Variants in PCCB observed in about 807,000 individuals in gnomAD.
PCCB encodes the protein propionyl-CoA carboxylase beta chain, mitochondrial.
PCCB carries 43 observed loss-of-function variants against 60.7 expected under a neutral mutation model. That is an observed-to-expected ratio of 0.71 (90% confidence interval 0.55 to 0.91). The LOEUF (loss-of-function observed/expected upper bound fraction) is 0.91. Ranked by LOEUF, PCCB falls within the 40% of genes least tolerant of loss-of-function variation. The pLI is 0.00. For synonymous variants in PCCB, 276 were observed against 255.9 expected, an observed-to-expected ratio of 1.08 and a Z score of -0.75; for missense variants, 766 against 702.8, an observed-to-expected ratio of 1.09 and a Z score of -1.02.
In PCCB at chr3:136,326,245, G is replaced by A. The variant is rs1257006692; in HGVS notation, c.1091-558G>A. On this transcript the variant is annotated intron_variant, in intron 10 of 14. Coordinates refer to ENST00000251654, the MANE Select transcript of PCCB (RefSeq NM_000532.5). ...TTGCTTTGGTATTGGGGTAATACTG[G>A]TCTCATAGAATTAAGTTGGAAACTC... The A allele has an allele frequency of 7.3e-6, 5 of 682,464 alleles. No homozygotes were observed. In the East Asian group the frequency reaches 1.1e-4, roughly 15 times the overall value. The allele number at this position is 682,464 out of a possible 1,614,324, so 42.3% of individuals were successfully genotyped here. A position where few individuals can be genotyped will look rare whatever the true frequency, so the allele number is the denominator to read the frequency against.
rs1231151514 is a variant in PCCB at position 136,328,851 on chromosome 3, G to A, written c.1492G>A (p.Val498Met). 1.9e-6 allele frequency: 3 copies of A among 1,611,874 alleles called. No homozygotes were observed. Among genetic ancestry groups the A allele is most frequent in the East Asian group, 4.5e-5 (2 of 44,882 alleles). ...GTTTGCCAACCCTTTCCCTGCAGCA[G>A]TGCGAGGTAGGGGACTGTGGTGAAG... ...EKFANPFPAA[V>M]RGFVDDIIQP... Residue 498 changes from valine (V) to methionine (M), a missense_variant, in exon 14 of 15, where the codon GTG becomes ATG. Val to Met is a conservative substitution (Grantham distance 21). Transcript: ENST00000251654.
intron 1 of PCCB, 48 bp downstream of exon 1, chr3:136,250,606 C>A (rs1310790595): frequency 6.4e-7 from 1 of 1,556,288 alleles, no homozygotes; most frequent in East Asian, 2.3e-5. Flanking sequence ...CGTCCGCGAC[C>A]TATCACTGCG....
In PCCB at chr3:136,255,873, G is replaced by T. The variant is rs747053913; in HGVS notation, c.201G>T (p.Arg67Ser). 2.5e-6 allele frequency: 4 copies of T among 1,613,948 alleles called. No homozygotes were observed. Among genetic ancestry groups the T allele is most frequent in the Non-Finnish European group, 3.4e-6 (4 of 1,179,888 alleles). ...CATTGTAGGGAAAGCTAACAGCCAG[G>T]GAGAGGATCAGTCTCTTGCTGGACC... ...AQHKRGKLTA[R>S]ERISLLLDPG... The change falls in exon 2 of 15, where the codon AGG becomes AGT. Residue 67 changes from arginine (R) to serine (S), a missense_variant. Arg to Ser is a moderately radical substitution (Grantham distance 110). Coordinates refer to ENST00000251654, the MANE Select transcript of PCCB (RefSeq NM_000532.5).
At chr3:136,273,578 C>CTTTTTTTTTTCCTT (rs1942255085) in intron 5 of PCCB, among the ~76,000 whole-genome samples, 1 of 59,200 alleles carries the variant, frequency 1.7e-5, no homozygotes, top group East Asian at 4.3e-4. Flanking sequence ...CTTTTTCTTT[C>CTTTTTTTTTTCCTT]TTTTTTTTTT....
intron 5 of PCCB, among the ~76,000 whole-genome samples, chr3:136,281,772 C>A (rs1327147427): frequency 6.6e-6 from 1 of 152,028 alleles, no homozygotes; most frequent in Admixed American, 6.6e-5. Context: ...TCAGGAATAG[C>A]CGATTTTTGC....
At chr3:136,309,177 C>T (rs935685322) in intron 9 of PCCB, among the ~76,000 whole-genome samples, 17 of 150,786 alleles carry the variant, frequency 1.1e-4, no homozygotes, top group Non-Finnish European at 1.9e-4. Context: ...ACAGGAGAAT[C>T]GCTTGAACCT....
intron 9 of PCCB, among the ~76,000 whole-genome samples, chr3:136,313,568 A>G (rs960776876): frequency 1.2e-4 from 18 of 152,232 alleles, no homozygotes; most frequent in African/African-American, 4.1e-4. Flanking sequence ...AATGAGATTA[A>G]TAACAGGGTA....
chr3:136,268,443 T>C (rs1014960565), intron 5 of PCCB, among the ~76,000 whole-genome samples: 3 of 150,630 alleles, frequency 2.0e-5, no homozygotes, highest in Non-Finnish European at 4.4e-5. Context: ...AGTTTTGAAG[T>C]TGTGTAAAAT....
rs563832881 is a variant in PCCB at position 136,266,620 on chromosome 3, G to A, written c.543+4555G>A. Among the ~76,000 whole-genome samples the A allele has an allele frequency of 2.6e-5, 4 of 152,176 alleles. No homozygotes were observed. In the South Asian group the frequency reaches 8.3e-4, roughly 32 times the overall value. ...TTGACTATAGCCATTTTAGTGGTGT[G>A]TAATGGTATCTCACTGTAGTTCTAG... is the stretch of plus-strand genomic sequence containing the variant. On this transcript the variant is annotated intron_variant, in intron 5 of 14. Transcript: ENST00000251654.
At chr3:136,322,355 G>C (rs1935140057) in intron 10 of PCCB, among the ~76,000 whole-genome samples, 1 of 152,110 alleles carries the variant, frequency 6.6e-6, no homozygotes, top group Non-Finnish European at 1.5e-5. Context: ...TGTTGGATTT[G>C]ATCTGCTAAT....
intron 8 of PCCB, among the ~76,000 whole-genome samples, chr3:136,299,013 G>A (rs1934068782): frequency 6.6e-6 from 1 of 152,124 alleles, no homozygotes; most frequent in African/African-American, 2.4e-5. Context: ...TAGTCATGGA[G>A]GGGAGAGTGG....
chr3:136,295,744 T>C (rs1347739687), intron 7 of PCCB, among the ~76,000 whole-genome samples: 2 of 152,196 alleles, frequency 1.3e-5, no homozygotes, highest in African/African-American at 4.8e-5. Context: ...GATTTTTTGG[T>C]TATACCCTTG....
intron 7 of PCCB, among the ~76,000 whole-genome samples, chr3:136,295,802 CAT>C (rs1933905409): frequency 6.6e-6 from 1 of 151,450 alleles, no homozygotes; most frequent in Non-Finnish European, 1.5e-5. Context: ...CTTACTCAAA[CAT>C]AGGTATGGAC....
chr3:136,299,392 ATG>A (rs1302998310), intron 8 of PCCB, among the ~76,000 whole-genome samples: 19 of 151,662 alleles, frequency 1.3e-4, no homozygotes, highest in African/African-American at 4.6e-4. Context: ...ATGTATGTAT[ATG>A]TATGCTTATG....
intron 4 of PCCB, among the ~76,000 whole-genome samples, chr3:136,261,408 T>G (rs1941820751): frequency 6.6e-6 from 1 of 152,130 alleles, no homozygotes; most frequent in Admixed American, 6.5e-5. Flanking sequence ...TTATGATGGG[T>G]AAATGAGGTA....
At position 136,259,529 on chromosome 3, in the gene PCCB, T is replaced by C. The variant is rs184959667; in HGVS notation, c.373-950T>C. Among the ~76,000 whole-genome samples the C allele has an allele frequency of 3.2e-4, 49 of 152,322 alleles. No individual in the cohort carries two copies. In the East Asian group the frequency reaches 9.5e-3, roughly 29 times the overall value. Reference sequence around the variant, plus strand: ...AACAGAAGTGCTTGACTGTTTGATATCCATAGAATCTGATATTAGAGTTAA... The same window carrying C: ...AACAGAAGTGCTTGACTGTTTGATACCCATAGAATCTGATATTAGAGTTAA... On this transcript the variant is annotated intron_variant, in intron 3 of 14. Transcript: ENST00000251654.
At chr3:136,314,528 A>G (rs1236047632) in intron 9 of PCCB, among the ~76,000 whole-genome samples, 1 of 151,946 alleles carries the variant, frequency 6.6e-6, no homozygotes, top group Non-Finnish European at 1.5e-5. Context: ...GGTGGCATGA[A>G]CCTGTGGTCC....
intron 5 of PCCB, among the ~76,000 whole-genome samples, chr3:136,266,751 G>A (rs367910205): frequency 1.3e-5 from 2 of 152,216 alleles, no homozygotes; most frequent in African/African-American, 2.4e-5. Flanking sequence ...TGTCCATCTC[G>A]TAATTGGGTT....
intron 10 of PCCB, among the ~76,000 whole-genome samples, chr3:136,325,563 G>A (rs960851635): frequency 2.6e-5 from 4 of 151,724 alleles, no homozygotes; most frequent in Non-Finnish European, 5.9e-5. Context: ...TCACCATGTT[G>A]GCCAGGCTGG....
Sources: allele counts gnomAD v4.1 joint callset (sites outside exome capture counted in the v4.1 genomes callset), GRCh38; gene constraint gnomAD v4.1.1; transcripts MANE v1.5; gene names NCBI Gene and HGNC (gene_info 2026-07-23, HGNC 2026-07-21).